The following HEBP2 variants were observed in gnomAD, a reference collection of about 807,000 sequenced individuals.
HEBP2 encodes heme binding protein 2.
In HEBP2, 27 loss-of-function variants were observed where a neutral mutation model predicts 23.1. The ratio of observed to expected loss-of-function variants is 1.17; its 90% CI spans 0.86 to 1.61. The LOEUF (loss-of-function observed/expected upper bound fraction) is 1.61, where lower values mean the gene tolerates loss of function less well. HEBP2 is among the 40% of genes most tolerant of loss of function. The pLI is 0.00. For missense variants in HEBP2, 245 were observed against 253.8 expected (o/e 0.97, Z 0.24); for synonymous variants, 99 against 95.1 (o/e 1.04, Z -0.24).
At chr6:138,412,238 A>G (rs1280879167) in intron 3 of HEBP2, 7 of 343,092 alleles carry the variant, frequency 2.0e-5, no homozygotes, top group East Asian at 9.5e-5. Context: ...CTGAATCTGC[A>G]TCGTAGCAAA....
intron 3 of HEBP2, among the ~76,000 whole-genome samples, chr6:138,409,596 C>T (rs1199463582): frequency 6.6e-6 from 1 of 152,206 alleles, no homozygotes; most frequent in Non-Finnish European, 1.5e-5. Context: ...CAGTAGCCTG[C>T]AAGCCGTCTT....
rs993810742 is a variant in HEBP2 at position 138,419,841 on chromosome 6, T to C, written c.*6763T>C. 3.9e-5 allele frequency: 6 copies of C among 152,218 alleles called. No homozygotes were observed. The highest frequency in any genetic ancestry group is 1.4e-4 in the African/African-American group (6 of 41,448). The allele number at this position is 152,218 out of a possible 1,614,324, so 9.4% of individuals were successfully genotyped here. On this transcript the variant is annotated 3_prime_UTR_variant, in exon 4 of 4. Coordinates refer to ENST00000607197, the MANE Select transcript of HEBP2 (RefSeq NM_014320.3). Reference sequence around the variant, plus strand: ...GGTTCTACAGCATCAGAAGTCCTAGTTCTCAGAGACTGTATACCTTCTCTA... The same window carrying C: ...GGTTCTACAGCATCAGAAGTCCTAGCTCTCAGAGACTGTATACCTTCTCTA...
chr6:138,410,210 A>G (rs1774720880), intron 3 of HEBP2, among the ~76,000 whole-genome samples: 1 of 152,186 alleles, frequency 6.6e-6, no homozygotes, highest in African/African-American at 2.4e-5. Flanking sequence ...TACTATGTCC[A>G]TATATTCCAG....
At position 138,408,584 on chromosome 6, in the gene HEBP2, T is replaced by A. The variant is rs552982902; in HGVS notation, c.419+2433T>A. The stretch of plus-strand genomic sequence containing the variant: ...GTTGCCATCCTCAGCAGTGCCTCTG[T>A]ATCTGCCACGTGGTTACTGTCCTCT... On this transcript the variant is annotated intron_variant, in intron 3 of 3. Coordinates refer to ENST00000607197, the MANE Select transcript of HEBP2 (RefSeq NM_014320.3). Among the ~76,000 whole-genome samples, 390 of 152,302 alleles carry A rather than the reference T, an allele frequency of 2.6e-3. 3 individuals carry two copies. The highest frequency in any genetic ancestry group is 9.0e-3 in the African/African-American group (373 of 41,568).
Position 138,413,462 on chromosome 6 carries a change from A to ACC in HEBP2, c.*387_*388dup, listed in dbSNP as rs566014852. ...GTTAAAATTATTTATCTTGTGTGGA[A>ACC]CCCCTAGGCTGTCAGGCCCGGAGAG... On this transcript the variant is annotated 3_prime_UTR_variant, in exon 4 of 4. Coordinates refer to ENST00000607197, the MANE Select transcript of HEBP2 (RefSeq NM_014320.3). 5.9e-6 allele frequency: 1 copy of ACC among 169,194 alleles called. No homozygotes were observed. The highest frequency in any genetic ancestry group is 1.3e-5 in the Non-Finnish European group (1 of 78,450). The allele number at this position is 169,194 out of a possible 1,614,324, so 10.5% of individuals were successfully genotyped here.
intron 1 of HEBP2, 66 bp downstream of exon 1, chr6:138,404,663 G>A: frequency 3.9e-6 from 4 of 1,013,184 alleles, no homozygotes; most frequent in Non-Finnish European, 5.1e-6. Context: ...TGAGGCCAGC[G>A]GGTCCCATAG....
rs1048175560 is a variant in HEBP2 at position 138,418,002 on chromosome 6, G to A, written c.*4924G>A. On this transcript the variant is annotated 3_prime_UTR_variant, in exon 4 of 4. Coordinates refer to ENST00000607197, the MANE Select transcript of HEBP2 (RefSeq NM_014320.3). ...TTCCCCTAACAAAGCTTAAAGACAA[G>A]CCTTGGAAGGATCAAACTAATTTCA... 1.3e-5 allele frequency: 2 copies of A among 152,132 alleles called. No individual in the cohort carries two copies. The highest frequency in any genetic ancestry group is 4.8e-5 in the African/African-American group (2 of 41,428). The allele number at this position is 152,132 out of a possible 1,614,324, so 9.4% of individuals were successfully genotyped here. A position where few individuals can be genotyped will look rare whatever the true frequency, so the allele number is the denominator to read the frequency against.
rs1340881062 is a variant in HEBP2, at chr6:138,417,847, G to C, written c.*4769G>C. ...ATTTACAGATCATCTATGGGGCTGG[G>C]AAAAGTTTGTGTTTCCACTAGCCAG... On this transcript the variant is annotated 3_prime_UTR_variant, in exon 4 of 4. Coordinates refer to ENST00000607197, the MANE Select transcript of HEBP2 (RefSeq NM_014320.3). 1 of 152,192 alleles carries C rather than the reference G, an allele frequency of 6.6e-6. No individual in the cohort carries two copies. Among genetic ancestry groups the C allele is most frequent in the Non-Finnish European group, 1.5e-5 (1 of 68,032 alleles). The allele number at this position is 152,192 out of a possible 1,614,324, so 9.4% of individuals were successfully genotyped here. A position where few individuals can be genotyped will look rare whatever the true frequency, so the allele number is the denominator to read the frequency against.
chr6:138,413,252 T>C lies in HEBP2; in HGVS notation c.*174T>C, dbSNP rs1304115768. ...TTGAAGTTTTATCTACATACACAGG[T>C]AACAGAGGACAGTAGTCTGTAAACA... On this transcript the variant is annotated 3_prime_UTR_variant, in exon 4 of 4. Coordinates refer to ENST00000607197, the MANE Select transcript of HEBP2 (RefSeq NM_014320.3). The C allele has an allele frequency of 1.7e-6, 1 of 589,012 alleles. No homozygotes were observed. Among genetic ancestry groups the C allele is most frequent in the African/African-American group, 1.9e-5 (1 of 53,624 alleles). The allele number at this position is 589,012 out of a possible 1,614,324, so 36.5% of individuals were successfully genotyped here.
intron 2 of HEBP2, among the ~76,000 whole-genome samples, chr6:138,405,539 A>G (rs368846668): frequency 6.6e-6 from 1 of 152,308 alleles, no homozygotes; most frequent in Admixed American, 6.5e-5. Context: ...CTAACACCTC[A>G]AGATAATTTG....
intron 3 of HEBP2, among the ~76,000 whole-genome samples, chr6:138,411,183 T>C (rs1359098752): frequency 6.6e-6 from 1 of 152,242 alleles, no homozygotes; most frequent in African/African-American, 2.4e-5. Flanking sequence ...GCTAGGTCAG[T>C]GCTGTCATGA....
At position 138,421,646 on chromosome 6, in the gene HEBP2, G is replaced by A. The variant is rs542770575; in HGVS notation, c.*8568G>A. 1.2e-4 allele frequency: 18 copies of A among 152,228 alleles called. No individual in the cohort carries two copies. The highest frequency in any genetic ancestry group is 3.6e-4 in the African/African-American group (15 of 41,542). 9.4% of individuals were successfully genotyped at this position (152,228 alleles called of 1,614,324 possible). A position where few individuals can be genotyped will look rare whatever the true frequency, so the allele number is the denominator to read the frequency against. On this transcript the variant is annotated 3_prime_UTR_variant, in exon 4 of 4. Coordinates refer to ENST00000607197, the MANE Select transcript of HEBP2 (RefSeq NM_014320.3). ...TTAAGATGCGGTCCATAACAGAAGC[G>A]GGCCCCAAGGAGTAGAGTAGCCACA...
intron 3 of HEBP2, among the ~76,000 whole-genome samples, chr6:138,408,527 T>C (rs6570232): frequency 0.18 from 27,368 of 152,034 alleles, 4,719 homozygotes; most frequent in African/African-American, 0.46. Flanking sequence ...CACCATGATC[T>C]GGTATGACTC....
chr6:138,414,279 CG>C lies in HEBP2; in HGVS notation c.*1203del, dbSNP rs1270716183. On this transcript the variant is annotated 3_prime_UTR_variant, in exon 4 of 4. Transcript: ENST00000607197. ...ACGGTCTCTCGGATAAAGAAAACTGCGGACCTTATGCAGGGTTTTAGGAAGG... is the reference window on the plus strand; with the variant it reads ...ACGGTCTCTCGGATAAAGAAAACTGCGACCTTATGCAGGGTTTTAGGAAGG... 1 of 152,170 alleles carries C rather than the reference CG, an allele frequency of 6.6e-6. No homozygotes were observed. Among genetic ancestry groups the C allele is most frequent in the Non-Finnish European group, 1.5e-5 (1 of 68,056 alleles). 9.4% of individuals were successfully genotyped at this position (152,170 alleles called of 1,614,324 possible). A position where few individuals can be genotyped will look rare whatever the true frequency, so the allele number is the denominator to read the frequency against.
At chr6:138,406,860 C>T (rs1343605764) in intron 3 of HEBP2, among the ~76,000 whole-genome samples, 1 of 152,022 alleles carries the variant, frequency 6.6e-6, no homozygotes, top group African/African-American at 2.4e-5. Flanking sequence ...GGCCCCATCT[C>T]TACCAAATGT....
At chr6:138,406,250 TC>T in intron 3 of HEBP2, 99 bp downstream of exon 3, 1 of 1,069,166 alleles carries the variant, frequency 9.4e-7, no homozygotes, top group Non-Finnish European at 1.4e-6. Flanking sequence ...TTTTCACCCT[TC>T]CATAAAATCA....
chr6:138,410,545 A>C (rs1354134628), intron 3 of HEBP2, among the ~76,000 whole-genome samples: 2 of 150,438 alleles, frequency 1.3e-5, no homozygotes, highest in African/African-American at 4.9e-5. Flanking sequence ...ACAATGGCGC[A>C]ATCTCAGCTC....
Position 138,414,110 on chromosome 6 carries a change from G to A in HEBP2, c.*1032G>A, listed in dbSNP as rs1246451544. 1 of 152,512 alleles carries A rather than the reference G, an allele frequency of 6.6e-6. No homozygotes were observed. The highest frequency in any genetic ancestry group is 1.5e-5 in the Non-Finnish European group (1 of 68,240). The allele number at this position is 152,512 out of a possible 1,614,324, so 9.4% of individuals were successfully genotyped here. A position where few individuals can be genotyped will look rare whatever the true frequency, so the allele number is the denominator to read the frequency against. ...CAGTTGAGACTTGAATGACGAGGAT[G>A]AGTCAGATGAAAGCCAGGGGCAGAG... On this transcript the variant is annotated 3_prime_UTR_variant, in exon 4 of 4. Coordinates refer to ENST00000607197, the MANE Select transcript of HEBP2 (RefSeq NM_014320.3).
At chr6:138,411,504 A>G (rs1774744145) in intron 3 of HEBP2, among the ~76,000 whole-genome samples, 2 of 152,152 alleles carry the variant, frequency 1.3e-5, no homozygotes, top group Admixed American at 1.3e-4. Flanking sequence ...CTATGAAAAC[A>G]CTTGGTATTT....
Sources: allele counts gnomAD v4.1 joint callset (sites outside exome capture counted in the v4.1 genomes callset), GRCh38; gene constraint gnomAD v4.1.1; transcripts MANE v1.5; gene names NCBI Gene and HGNC (gene_info 2026-07-23, HGNC 2026-07-21).